COL22A1: variants seen among roughly 807,000 people sequenced by gnomAD.
The protein encoded by COL22A1 is collagen alpha-1(XXII) chain.
Under a neutral mutation model 248.9 loss-of-function variants are expected in COL22A1, and 221 were observed. The ratio of observed to expected loss-of-function variants is 0.89; its 90% CI spans 0.80 to 0.99. COL22A1 has a LOEUF of 0.99. Ranked by LOEUF, COL22A1 falls within the 50% of genes least tolerant of loss-of-function variation. The pLI is 0.00. For missense variants in COL22A1, 2,240 were observed against 2,179.0 expected (o/e 1.03, Z -0.56); for synonymous variants, 891 against 793.4 (o/e 1.12, Z -2.07).
At chr8:138,677,230 G>A (rs1825631736) in intron 40 of COL22A1, among the ~76,000 whole-genome samples, 1 of 152,224 alleles carries the variant, frequency 6.6e-6, no homozygotes, top group South Asian at 2.1e-4. Context: ...GTTAACTTAG[G>A]AAAGTGATGA....
At position 138,688,922 on chromosome 8, in the gene COL22A1, C is replaced by G; in HGVS notation, c.2857G>C (p.Glu953Gln). ...AGAGATCATATTGGTCTTACCTTCT[C>G]ACCACGCTCCCCATCTTTCCCTGGG... ...GTPGKDGERG[E>Q]KGAAGEEGSP... is the part of the protein sequence containing the mutation. The change falls in exon 37 of 65, where the codon GAG becomes CAG. Residue 953 changes from glutamate (E) to glutamine (Q), a missense_variant. Physicochemically the swap from Glu to Gln is conservative, Grantham distance 29. Transcript: ENST00000303045. 6.2e-7 allele frequency: 1 copy of G among 1,613,048 alleles called. No homozygotes were observed. Among genetic ancestry groups the G allele is most frequent in the Non-Finnish European group, 8.5e-7 (1 of 1,179,054 alleles).
Position 138,591,597 on chromosome 8 carries a change from G to A in COL22A1, c.4616-96C>T, listed in dbSNP as rs1386596361. The A allele has an allele frequency of 3.1e-5, 28 of 914,958 alleles. No individual in the cohort carries two copies. In the South Asian group the frequency reaches 3.6e-4, roughly 12 times the overall value. The allele number at this position is 914,958 out of a possible 1,614,324, so 56.7% of individuals were successfully genotyped here. ...GCGGGAGGTGCAGGGGCAGCACTGG[G>A]CTGCTGTGGCATTCCAGTCTAAACC... On this transcript the variant is annotated intron_variant, in intron 63 of 64. Transcript: ENST00000303045.
chr8:138,636,832 G>A, intron 47 of COL22A1, 37 bp from the exon 48 acceptor site: 2 of 1,538,360 alleles, frequency 1.3e-6, no homozygotes, highest in East Asian at 2.2e-5. Flanking sequence ...GATGTCACTG[G>A]AAATTTTAAT....
At chr8:138,702,669 G>A (rs1469943440) in intron 31 of COL22A1, among the ~76,000 whole-genome samples, 1 of 151,596 alleles carries the variant, frequency 6.6e-6, no homozygotes, top group African/African-American at 2.4e-5. Flanking sequence ...TTGGGAGTAA[G>A]ATAAATAATA....
At chr8:138,705,455 G>C (rs1394188116) in intron 30 of COL22A1, among the ~76,000 whole-genome samples, 1 of 152,230 alleles carries the variant, frequency 6.6e-6, no homozygotes, top group Non-Finnish European at 1.5e-5. Context: ...CTACAAGCCA[G>C]AAGAGAGTAG....
At chr8:138,714,232 T>C (rs71512394) in intron 30 of COL22A1, among the ~76,000 whole-genome samples, 111,240 of 151,670 alleles carry the variant, frequency 0.73, 41,045 homozygotes, top group East Asian at 0.81. Flanking sequence ...AGGTTAGGCG[T>C]GTATCAAAAT....
rs1483513984 is a variant in COL22A1 at position 138,739,487 on chromosome 8, C to T, written c.2086-1910G>A. ...GTCCCACTGTGTCTTCTCACGCTGC[C>T]GTAATTTCCTTAGTGCGGATCCTCA... On this transcript the variant is annotated intron_variant, in intron 22 of 64. Transcript: ENST00000303045. Among the ~76,000 whole-genome samples, 3 of 152,278 alleles carry T rather than the reference C, an allele frequency of 2.0e-5. No individual in the cohort carries two copies. The East Asian group carries it at 5.8e-4, about 29-fold the overall frequency.
chr8:138,592,714 T>C (rs1817183336), intron 63 of COL22A1, among the ~76,000 whole-genome samples: 1 of 147,652 alleles, frequency 6.8e-6, no homozygotes, highest in South Asian at 2.1e-4. Context: ...CTCCTTTCCC[T>C]GCCCCATGCT....
chr8:138,758,002 A>C (rs1386137243), intron 18 of COL22A1, among the ~76,000 whole-genome samples: 1 of 152,184 alleles, frequency 6.6e-6, no homozygotes, highest in Non-Finnish European at 1.5e-5. Flanking sequence ...GGTGACTTCC[A>C]AGATTCGGTG....
At chr8:138,775,518 G>A (rs73361030) in intron 16 of COL22A1, among the ~76,000 whole-genome samples, 8,863 of 152,172 alleles carry the variant, frequency 0.058, 823 homozygotes, top group African/African-American at 0.2. Context: ...TCAAATGCAG[G>A]TCACCAATGC....
intron 16 of COL22A1, among the ~76,000 whole-genome samples, chr8:138,763,220 C>T (rs991191094): frequency 6.6e-6 from 1 of 152,122 alleles, no homozygotes; most frequent in African/African-American, 2.4e-5. Context: ...AACCCCATCT[C>T]TACCAAAAAT....
chr8:138,593,664 A>T (rs1230026998), intron 63 of COL22A1, among the ~76,000 whole-genome samples: 1 of 152,174 alleles, frequency 6.6e-6, no homozygotes, highest in Non-Finnish European at 1.5e-5. Context: ...TAAGGCTGGC[A>T]TTTAATCTCC....
At chr8:138,663,856 TCCTC>T in intron 41 of COL22A1, 116 bp from the exon 42 acceptor site, 1 of 769,302 alleles carries the variant, frequency 1.3e-6, no homozygotes, top group Non-Finnish European at 2.3e-6. Flanking sequence ...GTCACTAACT[TCCTC>T]CCACCTTGAA....
intron 50 of COL22A1, among the ~76,000 whole-genome samples, chr8:138,627,691 C>T (rs2131980984): frequency 6.6e-6 from 1 of 152,284 alleles, no homozygotes; most frequent in Admixed American, 6.5e-5. Flanking sequence ...CCATCCTCTC[C>T]AAAAACCCAG....
Position 138,593,410 on chromosome 8 carries a change from T to TA in COL22A1, c.4615+606dup, listed in dbSNP as rs1051141978. ...TTTTTTTTAAAAAAAAACCTTTTGTTAAAAAAAAAGTTTTTAAATTTATTT... is the reference window on the plus strand; with the variant it reads ...TTTTTTTTAAAAAAAAACCTTTTGTTAAAAAAAAAAGTTTTTAAATTTATTT... On this transcript the variant is annotated intron_variant, in intron 63 of 64. Transcript: ENST00000303045. Among the ~76,000 whole-genome samples the TA allele has an allele frequency of 8.8e-4, 133 of 151,598 alleles. 1 individual carries two copies. Among genetic ancestry groups the TA allele is most frequent in the Middle Eastern group, 6.8e-3 (2 of 292 alleles).
intron 53 of COL22A1, 28 bp downstream of exon 53, chr8:138,619,427 C>T: frequency 6.2e-7 from 1 of 1,610,836 alleles, no homozygotes; most frequent in African/African-American, 1.3e-5. Context: ...CTTGGTTCTA[C>T]CGTTCCCCAC....
intron 31 of COL22A1, among the ~76,000 whole-genome samples, chr8:138,701,221 T>C (rs1827938287): frequency 6.6e-6 from 1 of 152,202 alleles, no homozygotes; most frequent in African/African-American, 2.4e-5. Context: ...TTGATGCATC[T>C]TGTTCTTTTC....
chr8:138,890,330 T>C (rs565272854), intron 1 of COL22A1, among the ~76,000 whole-genome samples: 14 of 152,342 alleles, frequency 9.2e-5, no homozygotes, highest in Non-Finnish European at 1.5e-4. Context: ...AGGATGCTTC[T>C]TTGCCGTATC....
intron 37 of COL22A1, among the ~76,000 whole-genome samples, chr8:138,686,109 C>G (rs891050795): frequency 6.6e-6 from 1 of 152,224 alleles, no homozygotes; most frequent in Non-Finnish European, 1.5e-5. Flanking sequence ...GACACTAAGT[C>G]TGTTCCCTGG....
Sources: allele counts gnomAD v4.1 joint callset (sites outside exome capture counted in the v4.1 genomes callset), GRCh38; gene constraint gnomAD v4.1.1; transcripts MANE v1.5; gene names NCBI Gene and HGNC (gene_info 2026-07-23, HGNC 2026-07-21).